CDC27: variants seen among roughly 807,000 people sequenced by gnomAD.
CDC27 encodes cell division cycle 27.
In CDC27, 27 loss-of-function variants were observed where a neutral mutation model predicts 109.7. That is an observed-to-expected ratio of 0.25 (90% confidence interval 0.18 to 0.34). The LOEUF is 0.34. CDC27 is among the 10% of genes least tolerant of loss of function. The probability of loss-of-function intolerance (pLI) is 1.00; values close to 1 mark genes in which losing one functional copy is unlikely to be tolerated. For missense variants in CDC27, 579 were observed against 960.2 expected (o/e 0.60, Z 5.25); for synonymous variants, 266 against 333.9 (o/e 0.80, Z 2.22).
At chr17:47,158,325 T>C (rs979643118) in intron 4 of CDC27, 22 bp from the exon 5 acceptor site, 5 of 1,305,484 alleles carry the variant, frequency 3.8e-6, no homozygotes, top group African/African-American at 1.5e-5. Flanking sequence ...AACAAGTAGA[T>C]TAAATAAGCT....
intron 18 of CDC27, among the ~76,000 whole-genome samples, chr17:47,121,359 A>G (rs978552356): frequency 5.3e-5 from 8 of 152,036 alleles, no homozygotes; most frequent in Admixed American, 5.2e-4. Context: ...CACTGACTCC[A>G]CTTTAAGAAT....
rs1598625536 is a variant in CDC27, at chr17:47,186,368, G to T, written c.27+2778C>A. On this transcript the variant is annotated intron_variant, in intron 1 of 18. Transcript: ENST00000066544. Reference sequence around the variant, plus strand: ...CTAATGATCTCTAAAACAGTATCATGTATATAGTACCCAATTGCTATATTG... The same window carrying T: ...CTAATGATCTCTAAAACAGTATCATTTATATAGTACCCAATTGCTATATTG... Among the ~76,000 whole-genome samples, 3 of 152,298 alleles carry T rather than the reference G, an allele frequency of 2.0e-5. 1 individual carries two copies. The South Asian group carries it at 6.2e-4, about 32-fold the overall frequency.
intron 12 of CDC27, among the ~76,000 whole-genome samples, chr17:47,140,377 G>C (rs1477487258): frequency 6.6e-6 from 1 of 152,096 alleles, no homozygotes; most frequent in African/African-American, 2.4e-5. Flanking sequence ...GCCTCCCAAA[G>C]TGCTGGTATT....
chr17:47,127,403 T>C (rs1011688892), intron 16 of CDC27, among the ~76,000 whole-genome samples: 1 of 152,112 alleles, frequency 6.6e-6, no homozygotes, highest in Admixed American at 6.6e-5. Flanking sequence ...TATTAGCCTA[T>C]TTTTACGTTT....
rs940626274 is a variant in CDC27 at position 47,159,777 on chromosome 17, C to T, written c.378-1474G>A. 1.2e-5 allele frequency: 5 copies of T among 427,106 alleles called. 1 individual carries two copies. Among genetic ancestry groups the T allele is most frequent in the South Asian group, 5.6e-5 (3 of 54,006 alleles). The allele number at this position is 427,106 out of a possible 1,614,324, so 26.5% of individuals were successfully genotyped here. On this transcript the variant is annotated intron_variant, in intron 4 of 18. Coordinates refer to ENST00000066544, the MANE Select transcript of CDC27 (RefSeq NM_001256.6). ...TTCAAAACCTTGTGCTTGAGAGAGG[C>T]CCCCAGGAAAAAGTCAATGATCTCA...
intron 1 of CDC27, among the ~76,000 whole-genome samples, chr17:47,184,481 A>G (rs896016966): frequency 6.6e-6 from 1 of 152,202 alleles, no homozygotes; most frequent in Non-Finnish European, 1.5e-5. Context: ...CACATATACT[A>G]AAGTCAAAAA....
At chr17:47,165,096 C>T (rs180855598) in intron 4 of CDC27, among the ~76,000 whole-genome samples, 1 of 152,204 alleles carries the variant, frequency 6.6e-6, no homozygotes, top group Admixed American at 6.5e-5. Flanking sequence ...CTGAAATTGG[C>T]TTTTTTCACT....
rs756844266 is a variant in CDC27, at chr17:47,129,510, T to C, written c.2043A>G (p.Ala681=). 4 of 1,604,036 alleles carry C rather than the reference T, an allele frequency of 2.5e-6. No homozygotes were observed. The highest frequency in any genetic ancestry group is 1.1e-5 in the South Asian group (1 of 90,238). The part of the protein sequence containing the change: ...LLCHIGVVQH[A]LKKSEKALDT... Reference sequence around the variant, plus strand: ...CCAAAGCCTTCTCTGATTTTTTCAGTGCATGTTGAACCTGTAAGAAATAAA... The same window carrying C: ...CCAAAGCCTTCTCTGATTTTTTCAGCGCATGTTGAACCTGTAAGAAATAAA... The change falls in exon 16 of 19, where the codon GCA becomes GCG. Residue 681 remains alanine, a synonymous_variant. Coordinates refer to ENST00000066544, the MANE Select transcript of CDC27 (RefSeq NM_001256.6).
At chr17:47,125,235 CTTTTTTTTTTTTTT>C (rs58631604) in intron 16 of CDC27, among the ~76,000 whole-genome samples, 27 of 48,044 alleles carry the variant, frequency 5.6e-4, no homozygotes, top group East Asian at 1.6e-3. Context: ...TTAAAGAAAT[CTTTTTTTTTTTTTT>C]TTTTTTTTTT....
intron 2 of CDC27, among the ~76,000 whole-genome samples, chr17:47,177,343 G>A (rs980405998): frequency 2.6e-5 from 4 of 152,200 alleles, no homozygotes; most frequent in South Asian, 2.1e-4. Context: ...TTGGGAGGCC[G>A]AGGTGGACAG....
At position 47,120,798 on chromosome 17, in the gene CDC27, A is replaced by T. The variant is rs1453388179; in HGVS notation, c.*137T>A. On this transcript the variant is annotated 3_prime_UTR_variant, in exon 19 of 19. Coordinates refer to ENST00000066544, the MANE Select transcript of CDC27 (RefSeq NM_001256.6). ...TCATTCTGTATACAGTCAGGGTCCA[A>T]TGAAAGTGGCACACTCATGGTATAA... The T allele has an allele frequency of 3.1e-6, 2 of 636,734 alleles. No individual in the cohort carries two copies. The highest frequency in any genetic ancestry group is 5.7e-6 in the Non-Finnish European group (2 of 352,304). The allele number at this position is 636,734 out of a possible 1,614,324, so 39.4% of individuals were successfully genotyped here. A position where few individuals can be genotyped will look rare whatever the true frequency, so the allele number is the denominator to read the frequency against.
chr17:47,174,904 C>T (rs1439090184), intron 2 of CDC27, among the ~76,000 whole-genome samples: 3 of 151,870 alleles, frequency 2.0e-5, no homozygotes, highest in South Asian at 4.2e-4. Flanking sequence ...TGCAGTGAGC[C>T]GAGATCATGC....
intron 9 of CDC27, among the ~76,000 whole-genome samples, chr17:47,150,808 G>C (rs1043704763): frequency 7.9e-5 from 12 of 152,144 alleles, no homozygotes; most frequent in African/African-American, 2.4e-4. Context: ...TGAGGCAGGC[G>C]GATCACCTGA....
At chr17:47,130,537 T>C (rs1206524051) in intron 15 of CDC27, among the ~76,000 whole-genome samples, 1 of 152,168 alleles carries the variant, frequency 6.6e-6, no homozygotes, top group East Asian at 1.9e-4. Context: ...CATATGTGTA[T>C]ACTAATATTC....
chr17:47,119,815 C>G lies in CDC27; in HGVS notation c.*1120G>C, dbSNP rs1362182436. The G allele has an allele frequency of 6.6e-6, 1 of 152,156 alleles. No individual in the cohort carries two copies. The highest frequency in any genetic ancestry group is 2.4e-5 in the African/African-American group (1 of 41,444). The allele number at this position is 152,156 out of a possible 1,614,324, so 9.4% of individuals were successfully genotyped here. On this transcript the variant is annotated 3_prime_UTR_variant, in exon 19 of 19. Transcript: ENST00000066544. ...GTTTTTTCCCCCAAGCTAAAAATTT[C>G]CAACATCCTAAACCCAATTACTCTT...
intron 3 of CDC27, chr17:47,170,937 C>T (rs1335041954): frequency 6.6e-6 from 1 of 151,992 alleles, no homozygotes; most frequent in Non-Finnish European, 1.5e-5. Flanking sequence ...CCCATCTATA[C>T]AAAAAATAAG....
Position 47,189,241 on chromosome 17 carries a change from C to A in CDC27, c.-69G>T. 7.9e-7 allele frequency: 1 copy of A among 1,262,540 alleles called. No individual in the cohort carries two copies. The allele number at this position is 1,262,540 out of a possible 1,614,324, so 78.2% of individuals were successfully genotyped here. A position where few individuals can be genotyped will look rare whatever the true frequency, so the allele number is the denominator to read the frequency against. On this transcript the variant is annotated 5_prime_UTR_variant, in exon 1 of 19. Transcript: ENST00000066544. ...CTGTAGCGGCTCCGGCCCGGCCAGC[C>A]CCTGCTCATTTAAACTCACCAGCGA... is the stretch of plus-strand genomic sequence containing the variant.
rs769689952 is a variant in CDC27 at position 47,157,131 on chromosome 17, C to G, written c.631-7G>C. 1 of 1,552,562 alleles carries G rather than the reference C, an allele frequency of 6.4e-7. No individual in the cohort carries two copies. ...AATTCAATCTGTTTAATTCCTGAAA[C>G]AGAAAATTTCTACCAAGTCATTCAC... On this transcript the variant is annotated splice_region_variant and splice_polypyrimidine_tract_variant and intron_variant, in intron 6 of 18. Transcript: ENST00000066544.
At chr17:47,160,849 C>A (rs1292667385) in intron 4 of CDC27, among the ~76,000 whole-genome samples, 1 of 152,088 alleles carries the variant, frequency 6.6e-6, no homozygotes, top group East Asian at 1.9e-4. Flanking sequence ...TGCCTCACTG[C>A]CAAATTTTCA....
Sources: allele counts gnomAD v4.1 joint callset (sites outside exome capture counted in the v4.1 genomes callset), GRCh38; gene constraint gnomAD v4.1.1; transcripts MANE v1.5; gene names NCBI Gene and HGNC (gene_info 2026-07-23, HGNC 2026-07-21).